DNAJC3: variants seen among roughly 807,000 people sequenced by gnomAD.
DNAJC3 encodes DnaJ heat shock protein family (Hsp40) member C3.
In DNAJC3, 38 loss-of-function variants were observed where a neutral mutation model predicts 68.6. The ratio of observed to expected loss-of-function variants is 0.55; its 90% CI spans 0.43 to 0.73. The LOEUF (loss-of-function observed/expected upper bound fraction) is 0.73, where lower values mean the gene tolerates loss of function less well. Ranked by LOEUF, DNAJC3 falls within the 30% of genes least tolerant of loss-of-function variation. DNAJC3 has a pLI of 0.00. For missense variants in DNAJC3, 526 were observed against 591.9 expected, an observed-to-expected ratio of 0.89 and a Z score of 1.16; for synonymous variants, 203 against 204.0, an observed-to-expected ratio of 1.00 and a Z score of 0.04.
In DNAJC3 at chr13:95,786,080, T is replaced by C; in HGVS notation, c.1208+9T>C. 6.3e-7 allele frequency: 1 copy of C among 1,588,714 alleles called. No individual in the cohort carries two copies. The highest frequency in any genetic ancestry group is 8.5e-7 in the Non-Finnish European group (1 of 1,171,034). On this transcript the variant is annotated intron_variant, in intron 10 of 11. Transcript: ENST00000602402. Reference sequence around the variant, plus strand: ...ATCTTGGGAGTAAAAAGGTGAATTATTAATTTAAAATTTACTTTGCTATTT... The same window carrying C: ...ATCTTGGGAGTAAAAAGGTGAATTACTAATTTAAAATTTACTTTGCTATTT...
At chr13:95,697,419 T>A (rs1880471008) in intron 1 of DNAJC3, among the ~76,000 whole-genome samples, 1 of 152,202 alleles carries the variant, frequency 6.6e-6, no homozygotes. Flanking sequence ...TGGGATTCCC[T>A]TTGTCAATGA....
chr13:95,705,950 C>T (rs1479237182), intron 1 of DNAJC3, among the ~76,000 whole-genome samples: 1 of 152,168 alleles, frequency 6.6e-6, no homozygotes, highest in East Asian at 1.9e-4. Flanking sequence ...TCCAACCTTC[C>T]TATCTCTCTA....
At chr13:95,782,753 T>C (rs190896894) in intron 9 of DNAJC3, among the ~76,000 whole-genome samples, 119 of 152,272 alleles carry the variant, frequency 7.8e-4, no homozygotes, top group Non-Finnish European at 1.1e-3. Context: ...GCAACAAAAT[T>C]CTCCCGTGTA....
chr13:95,742,595 A>G (rs1350448633), intron 4 of DNAJC3: 1 of 483,540 alleles, frequency 2.1e-6, no homozygotes, highest in Non-Finnish European at 4.1e-6. Context: ...TATCCCAGCC[A>G]AGCAGGCTGC....
chr13:95,697,854 A>AT (rs1880491065), intron 1 of DNAJC3, among the ~76,000 whole-genome samples: 1 of 67,250 alleles, frequency 1.5e-5, no homozygotes, highest in African/African-American at 6.0e-5. Context: ...TTTTCTGGTT[A>AT]TTTTTGTGTT....
chr13:95,748,940 A>G (rs948531192), intron 4 of DNAJC3, among the ~76,000 whole-genome samples: 1 of 152,252 alleles, frequency 6.6e-6, no homozygotes, highest in African/African-American at 2.4e-5. Context: ...TAATTTAAAG[A>G]TAGCACTTTA....
At position 95,686,151 on chromosome 13, in the gene DNAJC3, C is replaced by T. The variant is rs368527614; in HGVS notation, c.82+8814C>T. 2.6e-5 allele frequency among the ~76,000 whole-genome samples: 4 copies of T among 152,240 alleles called. No homozygotes were observed. In the East Asian group the frequency reaches 5.8e-4, roughly 22 times the overall value. ...TAATTTTTTGTATTTTTAGTAGAGA[C>T]AGGGTTTCACTGTGCTAGCCAGAAT... On this transcript the variant is annotated intron_variant, in intron 1 of 11. Coordinates refer to ENST00000602402, the MANE Select transcript of DNAJC3 (RefSeq NM_006260.5).
At chr13:95,745,168 A>G (rs1882265281) in intron 4 of DNAJC3, 1 of 152,216 alleles carries the variant, frequency 6.6e-6, no homozygotes, top group Non-Finnish European at 1.5e-5. Flanking sequence ...AATAATGTCA[A>G]TTAAATGGCA....
chr13:95,719,714 T>A (rs2139637028), intron 2 of DNAJC3, among the ~76,000 whole-genome samples: 1 of 152,310 alleles, frequency 6.6e-6, no homozygotes, highest in Admixed American at 6.5e-5. Context: ...TAAATTGGGG[T>A]TCCAATTCCA....
chr13:95,781,797 ATGTG>A (rs1055271988), intron 9 of DNAJC3, among the ~76,000 whole-genome samples: 10 of 151,086 alleles, frequency 6.6e-5, no homozygotes, highest in South Asian at 2.1e-4. Flanking sequence ...TAAACATTGG[ATGTG>A]TGTGTGTGTT....
rs1205034121 is a variant in DNAJC3 at position 95,737,647 on chromosome 13, G to T, written c.393+12395G>T. On this transcript the variant is annotated intron_variant, in intron 4 of 11. Coordinates refer to ENST00000602402, the MANE Select transcript of DNAJC3 (RefSeq NM_006260.5). ...GTATTCTCTGATGGTAGTTTGTATT[G>T]CTGTGGGATCGGTGGTGATATCCCC... 8.3e-3 allele frequency among the ~76,000 whole-genome samples: 1,236 copies of T among 148,962 alleles called. 23 individuals are homozygous for T. Among genetic ancestry groups the T allele is most frequent in the African/African-American group, 0.03 (1,165 of 38,980 alleles).
intron 1 of DNAJC3, 84 bp from the exon 2 acceptor site, chr13:95,709,141 CAG>C (rs1880864437): frequency 4.2e-6 from 4 of 956,244 alleles, no homozygotes; most frequent in Non-Finnish European, 5.8e-6. Context: ...ATGACTGAGA[CAG>C]ATAACTATTT....
chr13:95,764,043 C>T (rs1326721161), intron 9 of DNAJC3, 90 bp downstream of exon 9: 1 of 1,530,724 alleles, frequency 6.5e-7, no homozygotes, highest in African/African-American at 1.4e-5. Context: ...AACAAATTTA[C>T]CAGAGTACCT....
chr13:95,782,526 G>C (rs1883484221), intron 9 of DNAJC3, among the ~76,000 whole-genome samples: 1 of 152,136 alleles, frequency 6.6e-6, no homozygotes, highest in Non-Finnish European at 1.5e-5. Flanking sequence ...CCTCATTGTG[G>C]TTTTGATTTG....
At chr13:95,711,857 T>C (rs1198889007) in intron 2 of DNAJC3, among the ~76,000 whole-genome samples, 1 of 152,206 alleles carries the variant, frequency 6.6e-6, no homozygotes, top group African/African-American at 2.4e-5. Flanking sequence ...ACATAACACT[T>C]GGACACAGCT....
At chr13:95,757,319 T>C (rs1353670385) in intron 4 of DNAJC3, among the ~76,000 whole-genome samples, 2 of 152,212 alleles carry the variant, frequency 1.3e-5, no homozygotes, top group Non-Finnish European at 2.9e-5. Flanking sequence ...TCTGCAGAGC[T>C]ATATGTAAGA....
intron 2 of DNAJC3, among the ~76,000 whole-genome samples, chr13:95,719,312 T>G (rs1221822231): frequency 6.6e-6 from 1 of 152,216 alleles, no homozygotes; most frequent in Non-Finnish European, 1.5e-5. Flanking sequence ...TAGGTTTTTG[T>G]GTACACATTA....
intron 1 of DNAJC3, 24 bp downstream of exon 1, chr13:95,677,361 A>G (rs1444837833): frequency 1.9e-6 from 3 of 1,567,494 alleles, no homozygotes; most frequent in Non-Finnish European, 2.6e-6. Flanking sequence ...TGCCCCGGCC[A>G]GGAAGTGGGC....
At chr13:95,768,973 C>A (rs1883086018) in intron 9 of DNAJC3, among the ~76,000 whole-genome samples, 1 of 144,366 alleles carries the variant, frequency 6.9e-6, no homozygotes, top group Non-Finnish European at 1.5e-5. Flanking sequence ...AAAACTCAGT[C>A]TCCAAAAAAT....
Sources: allele counts gnomAD v4.1 joint callset (sites outside exome capture counted in the v4.1 genomes callset), GRCh38; gene constraint gnomAD v4.1.1; transcripts MANE v1.5; gene names NCBI Gene and HGNC (gene_info 2026-07-23, HGNC 2026-07-21).